The following SCN7A variants were observed in gnomAD, a reference collection of about 807,000 sequenced individuals.
SCN7A encodes sodium channel protein type 7 subunit alpha.
A neutral mutation model predicts 155.2 loss-of-function variants in SCN7A; 138 were observed. That is an observed-to-expected ratio of 0.89 (90% CI 0.77 to 1.02). The LOEUF is 1.02. SCN7A is among the 50% of genes least tolerant of loss of function. The pLI is 0.00. For synonymous variants in SCN7A, 693 were observed against 649.0 expected, an observed-to-expected ratio of 1.07 and a Z score of -1.03; for missense variants, 2,058 against 1,986.6, an observed-to-expected ratio of 1.04 and a Z score of -0.68.
intron 21 of SCN7A, among the ~76,000 whole-genome samples, chr2:166,414,050 A>G (rs1477527970): frequency 1.2e-5 from 1 of 84,040 alleles, no homozygotes; most frequent in African/African-American, 4.3e-5. Flanking sequence ...TTATATATGT[A>G]AATATATAAA....
In SCN7A at chr2:166,448,132, C is replaced by T. The variant is rs72886672; in HGVS notation, c.1291-424G>A. 5.1e-3 allele frequency among the ~76,000 whole-genome samples: 770 copies of T among 152,192 alleles called. 7 individuals carry two copies. Among genetic ancestry groups the T allele is most frequent in the Non-Finnish European group, 5.0e-3 (340 of 67,978 alleles). On this transcript the variant is annotated intron_variant, in intron 11 of 25. Coordinates refer to ENST00000643258, the MANE Select transcript of SCN7A (RefSeq NM_002976.4). ...CCCCCTCATACATACCCTTTGCAGG[C>T]TCTGGTAACCACCAATAAACTATCT...
At chr2:166,476,141 T>C (rs909108385) in intron 3 of SCN7A, among the ~76,000 whole-genome samples, 2 of 151,970 alleles carry the variant, frequency 1.3e-5, no homozygotes, top group Non-Finnish European at 2.9e-5. Context: ...ATTAAGCATG[T>C]ATATTATAAC....
At chr2:166,487,248 C>T (rs1013783340) in intron 1 of SCN7A, among the ~76,000 whole-genome samples, 2 of 152,120 alleles carry the variant, frequency 1.3e-5, no homozygotes, top group Admixed American at 1.3e-4. Flanking sequence ...AATTACATGG[C>T]CACTCAATCA....
chr2:166,412,587 G>C lies in SCN7A; in HGVS notation c.3549C>G (p.Leu1183=). The change falls in exon 23 of 26, where the codon CTC becomes CTG. Residue 1183 remains leucine, a synonymous_variant. Transcript: ENST00000643258. The part of the protein sequence containing the change: ...FINFIIFGVF[L]PLSMLITVII... The stretch of plus-strand genomic sequence containing the variant: ...TAACAGTAATCAGCATACTCAGAGG[G>C]AGAAATACTCCAAATATAATAAAGT... The C allele has an allele frequency of 6.6e-7, 1 of 1,517,640 alleles. No homozygotes were observed. The highest frequency in any genetic ancestry group is 1.7e-4 in the Middle Eastern group (1 of 5,884). 94.0% of individuals were successfully genotyped at this position (1,517,640 alleles called of 1,614,324 possible).
In SCN7A at chr2:166,413,106, A is replaced by G; in HGVS notation, c.3430T>C (p.Trp1144Arg). The change falls in exon 22 of 26, where the codon TGG (tryptophan) becomes CGG (arginine). Residue 1144 changes from tryptophan (W) to arginine (R), a missense_variant. Coordinates refer to ENST00000643258, the MANE Select transcript of SCN7A (RefSeq NM_002976.4). ...ATTGCTGAATTCATAATAGTGATCC[A>G]TCCATTAAATGTTGCCTGTAAAAAT... is the stretch of plus-strand genomic sequence containing the variant. ...SLLQVATFNG[W>R]ITIMNSAIDS... The G allele has an allele frequency of 6.5e-7, 1 of 1,527,340 alleles. No individual in the cohort carries two copies. Among genetic ancestry groups the G allele is most frequent in the East Asian group, 2.3e-5 (1 of 42,626 alleles). The allele number at this position is 1,527,340 out of a possible 1,614,324, so 94.6% of individuals were successfully genotyped here. A position where few individuals can be genotyped will look rare whatever the true frequency, so the allele number is the denominator to read the frequency against.
Position 166,472,371 on chromosome 2 carries a change from A to G in SCN7A, c.518T>C (p.Phe173Ser). 2.5e-6 allele frequency: 4 copies of G among 1,608,894 alleles called. No homozygotes were observed. Among genetic ancestry groups the G allele is most frequent in the Non-Finnish European group, 3.4e-6 (4 of 1,176,836 alleles). ...GTTCCATGGATCACCGAGGAAGGAA[A>G]ATGATCCTGCCCAGACACCTCTTGC... The part of the protein sequence containing the change: ...LFARGVWAGS[F>S]SFLGDPWNWL... Residue 173 changes from phenylalanine (F) to serine (S), a missense_variant, in exon 6 of 26, where the codon TTT (phenylalanine) becomes TCT (serine). Transcript: ENST00000643258.
chr2:166,463,873 C>T (rs1702466173), intron 9 of SCN7A, among the ~76,000 whole-genome samples: 1 of 151,926 alleles, frequency 6.6e-6, no homozygotes, highest in South Asian at 2.1e-4. Context: ...CTGGGCAACA[C>T]GGCGAAAACC....
At chr2:166,433,773 T>C (rs553854419) in intron 15 of SCN7A, among the ~76,000 whole-genome samples, 3 of 152,250 alleles carry the variant, frequency 2.0e-5, no homozygotes, top group African/African-American at 7.2e-5. Context: ...CCATATCTAA[T>C]GGCTTTTGTG....
rs1418232931 is a variant in SCN7A, at chr2:166,406,581, G to T, written c.4048C>A (p.Leu1350Ile). ...VPPSLVQLIL[L>I]SRIIHMLRLG... is the part of the protein sequence containing the mutation. ...CGCAGCATGTGAATGATCCGTGAGA[G>T]AAGTATCAGTTGCACAAGTGAAGGA... is the stretch of plus-strand genomic sequence containing the variant. The change falls in exon 26 of 26, where the codon CTC becomes ATC. Residue 1350 changes from leucine (L) to isoleucine (I), a missense_variant. By Grantham distance (5) the Leu-to-Ile change is conservative. Transcript: ENST00000643258. The T allele has an allele frequency of 1.9e-6, 3 of 1,612,476 alleles. No homozygotes were observed. Among genetic ancestry groups the T allele is most frequent in the Non-Finnish European group, 2.5e-6 (3 of 1,179,132 alleles).
At position 166,421,177 on chromosome 2, in the gene SCN7A, A is replaced by G. The variant is rs1458034937; in HGVS notation, c.3135+13T>C. The G allele has an allele frequency of 1.0e-5, 15 of 1,464,884 alleles. No homozygotes were observed. Among genetic ancestry groups the G allele is most frequent in the Non-Finnish European group, 1.4e-5 (15 of 1,095,350 alleles). 90.7% of individuals were successfully genotyped at this position (1,464,884 alleles called of 1,614,324 possible). A position where few individuals can be genotyped will look rare whatever the true frequency, so the allele number is the denominator to read the frequency against. On this transcript the variant is annotated intron_variant, in intron 20 of 25. Coordinates refer to ENST00000643258, the MANE Select transcript of SCN7A (RefSeq NM_002976.4). ...TAAAAATTTGTAGATTAGCTTAGAAACTTATCTCTTACCTTCATTCTTTCA... is the reference window on the plus strand; with the variant it reads ...TAAAAATTTGTAGATTAGCTTAGAAGCTTATCTCTTACCTTCATTCTTTCA...
chr2:166,406,649 G>A lies in SCN7A; in HGVS notation c.3983-3C>T. 6.3e-7 allele frequency: 1 copy of A among 1,580,530 alleles called. No homozygotes were observed. Among genetic ancestry groups the A allele is most frequent in the Non-Finnish European group, 8.6e-7 (1 of 1,162,112 alleles). ...TACTGTCATAGGCAGACATAGTCCT[G>A]GGGGTGGGAAAGATAAAGCAGGCTA... On this transcript the variant is annotated splice_polypyrimidine_tract_variant and splice_region_variant and intron_variant, in intron 25 of 25. Transcript: ENST00000643258.
chr2:166,411,279 T>C (rs1482420590), intron 23 of SCN7A, among the ~76,000 whole-genome samples: 2 of 152,084 alleles, frequency 1.3e-5, no homozygotes, highest in Non-Finnish European at 2.9e-5. Context: ...TGAAATCTTG[T>C]GTCATCCTGC....
rs780094202 is a variant in SCN7A at position 166,405,754 on chromosome 2, C to T, written c.4875G>A (p.Glu1625=). ...GTTGAATGATGGTTGCTGAAACTGC[C>T]TCTTGTTTTCGTTTCAAAGTAGTCG... The part of the protein sequence containing the change: ...PITTTLKRKQ[E]AVSATIIQRA... Residue 1625 remains glutamate (E), a synonymous_variant, in exon 26 of 26, where the codon GAG becomes GAA. Coordinates refer to ENST00000643258, the MANE Select transcript of SCN7A (RefSeq NM_002976.4). 7.8e-5 allele frequency: 125 copies of T among 1,612,860 alleles called. No homozygotes were observed. Among genetic ancestry groups the T allele is most frequent in the Non-Finnish European group, 9.9e-5 (117 of 1,179,348 alleles).
intron 2 of SCN7A, among the ~76,000 whole-genome samples, 159 bp from the exon 3 acceptor site, chr2:166,477,869 C>T (rs1702836432): frequency 2.6e-5 from 4 of 151,916 alleles, no homozygotes; most frequent in Admixed American, 2.6e-4. Context: ...TTTTATTGTA[C>T]TTAATATCAG....
At chr2:166,412,814 A>G (rs1701230644) in intron 22 of SCN7A, 147 bp from the exon 23 acceptor site, 2 of 1,284,688 alleles carry the variant, frequency 1.6e-6, no homozygotes, top group African/African-American at 1.6e-5. Context: ...GTAAAAGGAT[A>G]TCATTGCTTT....
Position 166,413,560 on chromosome 2 carries a change from G to T in SCN7A, c.3415-439C>A, listed in dbSNP as rs1701249095. Among the ~76,000 whole-genome samples the T allele has an allele frequency of 2.0e-5, 3 of 152,168 alleles. No individual in the cohort carries two copies. In the South Asian group the frequency reaches 6.2e-4, roughly 31 times the overall value. On this transcript the variant is annotated intron_variant, in intron 21 of 25. Coordinates refer to ENST00000643258, the MANE Select transcript of SCN7A (RefSeq NM_002976.4). The stretch of plus-strand genomic sequence containing the variant: ...AAGTAGTGACTTGGGTTGAACTAAA[G>T]AATTATTACCTGTAGTGGTTAATAC...
At chr2:166,435,281 C>T (rs573980683) in intron 15 of SCN7A, among the ~76,000 whole-genome samples, 33 of 152,116 alleles carry the variant, frequency 2.2e-4, no homozygotes, top group African/African-American at 7.5e-4. Context: ...TTACAGAGAA[C>T]TGATTACTAC....
chr2:166,405,649 A>AACATCTCTG lies in SCN7A; in HGVS notation c.4971_4979dup (p.Arg1658_Val1660dup), dbSNP rs1430732099. On this transcript the variant is annotated inframe_insertion, in exon 26 of 26. Coordinates refer to ENST00000643258, the MANE Select transcript of SCN7A (RefSeq NM_002976.4). ...AATAGGCACCTTCTTTAGTAGCATG[A>AACATCTCTG]ACATCTCTGTCACCATCTATCATAT... 1 of 1,612,344 alleles carries AACATCTCTG rather than the reference A, an allele frequency of 6.2e-7. No homozygotes were observed. The highest frequency in any genetic ancestry group is 8.5e-7 in the Non-Finnish European group (1 of 1,179,082).
Position 166,447,675 on chromosome 2 carries a change from A to G in SCN7A, c.1324T>C (p.Ser442Pro), listed in dbSNP as rs1247082570. Residue 442 changes from serine (S) to proline (P), a missense_variant, in exon 12 of 26, where the codon TCA (serine) becomes CCA (proline). Transcript: ENST00000643258. ...AATGATGTGTCTGTGGAAATTGGTG[A>G]CCTTTTCTTCATTTCTATTTGTATG... ...KTIQIEMKKR[S>P]PISTDTSLDV... 3 of 1,613,060 alleles carry G rather than the reference A, an allele frequency of 1.9e-6. No homozygotes were observed. The highest frequency in any genetic ancestry group is 1.7e-6 in the Non-Finnish European group (2 of 1,179,428).
Sources: gnomAD v4.1 joint callset for allele counts (sites outside exome capture counted in the v4.1 genomes callset) on GRCh38, gnomAD v4.1.1 for gene constraint, MANE v1.5 for transcripts, NCBI Gene and HGNC (gene_info 2026-07-23, HGNC 2026-07-21) for gene names.